Variants in MEAF6 observed in about 807,000 individuals in gnomAD.
MEAF6 encodes chromatin modification-related protein MEAF6.
A neutral mutation model predicts 28.9 loss-of-function variants in MEAF6; 15 were observed. That is an observed-to-expected ratio of 0.52 (90% CI 0.35 to 0.80). The LOEUF (loss-of-function observed/expected upper bound fraction) is 0.80, where lower values mean the gene tolerates loss of function less well. MEAF6 is among the 30% of genes least tolerant of loss of function. The pLI, the probability that MEAF6 is intolerant of heterozygous loss-of-function variation, is 0.01. For missense variants in MEAF6, 178 were observed against 237.5 expected, an observed-to-expected ratio of 0.75 and a Z score of 1.65; for synonymous variants, 97 against 88.7, an observed-to-expected ratio of 1.09 and a Z score of -0.53.
intron 5 of MEAF6, among the ~76,000 whole-genome samples, chr1:37,500,339 A>G (rs1473284936): frequency 6.6e-6 from 1 of 152,218 alleles, no homozygotes. Flanking sequence ...TAAATTTAAT[A>G]AAAGCAATAC....
chr1:37,495,475 G>A (rs1642089066), intron 6 of MEAF6, among the ~76,000 whole-genome samples: 1 of 151,498 alleles, frequency 6.6e-6, no homozygotes, highest in Non-Finnish European at 1.5e-5. Flanking sequence ...GGCTGGGGTA[G>A]GAGGATTGCT....
chr1:37,497,467 C>G (rs1265533390), intron 5 of MEAF6, among the ~76,000 whole-genome samples: 1 of 152,154 alleles, frequency 6.6e-6, no homozygotes, highest in African/African-American at 2.4e-5. Context: ...GTGGTGGAAC[C>G]TTGTTCCAGA....
rs182990825 is a variant in MEAF6 at position 37,490,354 on chromosome 1, G to C, written c.*3745C>G. 1.1e-3 allele frequency among the ~76,000 whole-genome samples: 163 copies of C among 152,234 alleles called. 1 individual carries two copies. Among genetic ancestry groups the C allele is most frequent in the African/African-American group, 3.4e-3 (143 of 41,538 alleles). ...AGACAAGGTAATGCTCATTTAGACT[G>C]ACACAGGTATGAAAATTCCAATCCC... On this transcript the variant is annotated 3_prime_UTR_variant, in exon 7 of 7. Transcript: ENST00000296214.
At position 37,492,392 on chromosome 1, in the gene MEAF6, T is replaced by A. The variant is rs572032113; in HGVS notation, c.*1707A>T. Among the ~76,000 whole-genome samples, 1 of 151,742 alleles carries A rather than the reference T, an allele frequency of 6.6e-6. No individual in the cohort carries two copies. ...CCCAAAAGGAAGGAAACTGTAGGCA[T>A]CCCACTCCTCCCTCCCAGCAAAGGA... On this transcript the variant is annotated 3_prime_UTR_variant, in exon 7 of 7. Transcript: ENST00000296214.
At chr1:37,512,192 G>C (rs1256904622) in intron 2 of MEAF6, among the ~76,000 whole-genome samples, 2 of 152,134 alleles carry the variant, frequency 1.3e-5, no homozygotes, top group Non-Finnish European at 2.9e-5. Context: ...CTACACACAA[G>C]ATAAAGTGAC....
rs376707573 is a variant in MEAF6 at position 37,494,073 on chromosome 1, T to C, written c.*26A>G. The stretch of plus-strand genomic sequence containing the variant: ...AGAAGGGAAGCAGGGCTCTACAGCC[T>C]GGAAGCTTCTGCACTAATGTGTCTT... On this transcript the variant is annotated 3_prime_UTR_variant, in exon 7 of 7. Coordinates refer to ENST00000296214, the MANE Select transcript of MEAF6 (RefSeq NM_001270875.3). 12 of 1,609,710 alleles carry C rather than the reference T, an allele frequency of 7.5e-6. No individual in the cohort carries two copies. The highest frequency in any genetic ancestry group is 1.3e-5 in the African/African-American group (1 of 74,504).
chr1:37,494,416 G>C (rs1642043667), intron 6 of MEAF6, among the ~76,000 whole-genome samples: 1 of 150,776 alleles, frequency 6.6e-6, no homozygotes, highest in African/African-American at 2.4e-5. Context: ...TCAGGAGGCT[G>C]AGGTGGGAGA....
intron 4 of MEAF6, among the ~76,000 whole-genome samples, chr1:37,506,480 T>G (rs1642486390): frequency 6.6e-6 from 1 of 152,200 alleles, no homozygotes; most frequent in South Asian, 2.1e-4. Flanking sequence ...CAAGTGATCC[T>G]TCTCCCTCAG....
intron 4 of MEAF6, among the ~76,000 whole-genome samples, chr1:37,502,698 G>A (rs1166575473): frequency 6.7e-6 from 1 of 148,852 alleles, no homozygotes; most frequent in African/African-American, 2.5e-5. Flanking sequence ...GTTCACAGCA[G>A]CCTTCAGTTC....
intron 4 of MEAF6, among the ~76,000 whole-genome samples, chr1:37,506,354 A>G (rs1446129266): frequency 6.6e-6 from 1 of 152,024 alleles, no homozygotes; most frequent in Non-Finnish European, 1.5e-5. Context: ...AAAAACAAAT[A>G]TATAAATTGG....
intron 4 of MEAF6, among the ~76,000 whole-genome samples, chr1:37,505,040 T>C (rs1160577965): frequency 6.6e-6 from 1 of 151,884 alleles, no homozygotes; most frequent in African/African-American, 2.4e-5. Context: ...CCCACCACCA[T>C]GCCCGGCTCA....
chr1:37,512,923 G>A (rs148907002), intron 2 of MEAF6, among the ~76,000 whole-genome samples: 219 of 152,220 alleles, frequency 1.4e-3, no homozygotes, highest in African/African-American at 5.1e-3. Flanking sequence ...AGGCGTGGTG[G>A]CTCACACCTG....
In MEAF6 at chr1:37,508,035, A is replaced by G. The variant is rs1211851777; in HGVS notation, c.340+1243T>C. Reference sequence around the variant, plus strand: ...ATACCTTCTGAAAGAAGTACACAGTAATACCGAGAACAGGTCGTATTTCAA... The same window carrying G: ...ATACCTTCTGAAAGAAGTACACAGTGATACCGAGAACAGGTCGTATTTCAA... On this transcript the variant is annotated intron_variant, in intron 4 of 6. Transcript: ENST00000296214. Among the ~76,000 whole-genome samples the G allele has an allele frequency of 2.0e-5, 3 of 152,158 alleles. No homozygotes were observed. In the East Asian group the frequency reaches 5.8e-4, roughly 29 times the overall value.
In MEAF6 at chr1:37,513,431, G is replaced by A. The variant is rs1375948014; in HGVS notation, c.198C>T (p.Thr66=). The A allele has an allele frequency of 6.2e-7, 1 of 1,613,058 alleles. No homozygotes were observed. The highest frequency in any genetic ancestry group is 1.1e-5 in the South Asian group (1 of 91,056). ...AGGCTTTCGACACTCACTTTTGGTT[G>A]GTCAGATACCGATCCCAGCCACGAA... is the stretch of plus-strand genomic sequence containing the variant. ...NIIRGWDRYL[T]NQKNSNSKND... is the part of the protein sequence containing the mutation. The change falls in exon 2 of 7, where the codon ACC becomes ACT. Residue 66 remains threonine, a synonymous_variant. Transcript: ENST00000296214.
chr1:37,507,639 T>A (rs1463830216), intron 4 of MEAF6, among the ~76,000 whole-genome samples: 2 of 151,892 alleles, frequency 1.3e-5, no homozygotes, highest in Non-Finnish European at 2.9e-5. Context: ...ACAATTCTGT[T>A]TTAGATCAAA....
intron 5 of MEAF6, among the ~76,000 whole-genome samples, chr1:37,499,523 C>G (rs1642228943): frequency 6.6e-6 from 1 of 152,172 alleles, no homozygotes; most frequent in Non-Finnish European, 1.5e-5. Context: ...GTGTGCCATT[C>G]AGGCACACTG....
Position 37,491,941 on chromosome 1 carries a change from C to T in MEAF6, c.*2158G>A, listed in dbSNP as rs2148055106. ...TTTTTTTTTTTTTTTTTGACAGAGT[C>T]TCGCTCTGTCGCCCAGGCTGCTGGA... On this transcript the variant is annotated 3_prime_UTR_variant, in exon 7 of 7. Coordinates refer to ENST00000296214, the MANE Select transcript of MEAF6 (RefSeq NM_001270875.3). Among the ~76,000 whole-genome samples, 1 of 142,268 alleles carries T rather than the reference C, an allele frequency of 7.0e-6. No homozygotes were observed. Among genetic ancestry groups the T allele is most frequent in the African/African-American group, 2.6e-5 (1 of 38,594 alleles). The allele number at this position is 142,268 out of a possible 152,430, so 93.3% of individuals were successfully genotyped here.
intron 5 of MEAF6, among the ~76,000 whole-genome samples, chr1:37,500,609 T>C (rs1642268835): frequency 6.6e-6 from 1 of 152,184 alleles, no homozygotes; most frequent in Non-Finnish European, 1.5e-5. Flanking sequence ...ATTTCTGCAG[T>C]CTAGAAAACA....
At chr1:37,512,947 T>C (rs368479378) in intron 2 of MEAF6, among the ~76,000 whole-genome samples, 1 of 152,044 alleles carries the variant, frequency 6.6e-6, no homozygotes, top group East Asian at 1.9e-4. Context: ...TCCCAACACT[T>C]TGGGAGGCCA....
Sources: allele counts gnomAD v4.1 joint callset (sites outside exome capture counted in the v4.1 genomes callset), GRCh38; gene constraint gnomAD v4.1.1; transcripts MANE v1.5; gene names NCBI Gene and HGNC (gene_info 2026-07-23, HGNC 2026-07-21).